The following ZNRF1 variants were observed in gnomAD, a reference collection of about 807,000 sequenced individuals.
ZNRF1 encodes E3 ubiquitin-protein ligase ZNRF1.
ZNRF1 carries 3 observed loss-of-function variants against 18.4 expected under a neutral mutation model. The observed-to-expected ratio is 0.16, with a 90% CI of 0.07 to 0.42. The LOEUF (loss-of-function observed/expected upper bound fraction) is 0.42. ZNRF1 is among the 10% of genes least tolerant of loss of function. ZNRF1 has a pLI of 0.99. For missense variants in ZNRF1, 310 were observed against 329.8 expected (o/e 0.94, Z 0.47); for synonymous variants, 157 against 144.2 (o/e 1.09, Z -0.64).
Position 75,108,359 on chromosome 16 carries a change from C to G in ZNRF1, c.*659C>G, listed in dbSNP as rs1001120953. On this transcript the variant is annotated 3_prime_UTR_variant, in exon 5 of 5. Transcript: ENST00000335325. ...GATCCCATCTCTTTTCCCTTCTTTC[C>G]TCCTGGTTCCGGTCAGTTCAGAGGA... 1.7e-4 allele frequency: 66 copies of G among 384,458 alleles called. 1 individual carries two copies. In the East Asian group the frequency reaches 2.4e-3, roughly 14 times the overall value. 23.8% of individuals were successfully genotyped at this position (384,458 alleles called of 1,614,324 possible). A position where few individuals can be genotyped will look rare whatever the true frequency, so the allele number is the denominator to read the frequency against.
chr16:75,074,347 C>A (rs911379193), intron 1 of ZNRF1, among the ~76,000 whole-genome samples: 3 of 152,192 alleles, frequency 2.0e-5, no homozygotes, highest in African/African-American at 7.2e-5. Context: ...ACAGAGCCTA[C>A]TGGGTGACCC....
intron 1 of ZNRF1, among the ~76,000 whole-genome samples, chr16:75,025,007 C>T (rs1195195721): frequency 2.6e-5 from 4 of 151,868 alleles, no homozygotes; most frequent in East Asian, 1.9e-4. Context: ...ATTTAATGTC[C>T]TCTTCATTGT....
intron 1 of ZNRF1, among the ~76,000 whole-genome samples, chr16:75,028,010 A>G (rs2035249676): frequency 6.6e-6 from 1 of 152,124 alleles, no homozygotes; most frequent in African/African-American, 2.4e-5. Flanking sequence ...GTGCTTGTAT[A>G]TCTGCCTTTT....
At chr16:75,093,312 G>T (rs1439173649) in intron 1 of ZNRF1, among the ~76,000 whole-genome samples, 2 of 151,530 alleles carry the variant, frequency 1.3e-5, no homozygotes, top group African/African-American at 4.9e-5. Flanking sequence ...TTGAACCCGG[G>T]ATGCAGAGGT....
chr16:75,092,834 AGATTCCT>A (rs2036155654), intron 1 of ZNRF1, among the ~76,000 whole-genome samples: 3 of 152,278 alleles, frequency 2.0e-5, no homozygotes, highest in Middle Eastern at 3.4e-3. Context: ...GTGAGGGATG[AGATTCCT>A]CCCAGGGTGA....
chr16:75,015,626 C>T (rs1183237644), intron 1 of ZNRF1, among the ~76,000 whole-genome samples: 4 of 152,138 alleles, frequency 2.6e-5, no homozygotes, highest in African/African-American at 4.8e-5. Context: ...CTCTGTTGCC[C>T]AGGCTGGACT....
At chr16:75,011,458 C>T (rs1300161949) in intron 1 of ZNRF1, among the ~76,000 whole-genome samples, 1 of 152,148 alleles carries the variant, frequency 6.6e-6, no homozygotes, top group Non-Finnish European at 1.5e-5. Flanking sequence ...GACATGAACT[C>T]CTGGGCTTAA....
chr16:75,030,463 AAG>A (rs1030701662), intron 1 of ZNRF1, among the ~76,000 whole-genome samples: 29 of 152,184 alleles, frequency 1.9e-4, no homozygotes. Context: ...TTTAAAGAAA[AAG>A]AGAAAAAAAC....
intron 1 of ZNRF1, among the ~76,000 whole-genome samples, chr16:75,044,640 G>A (rs2035491248): frequency 6.6e-6 from 1 of 151,998 alleles, no homozygotes; most frequent in South Asian, 2.1e-4. Context: ...GATTACAGAT[G>A]TGAGCCACCA....
At chr16:75,025,502 T>C (rs1423339234) in intron 1 of ZNRF1, among the ~76,000 whole-genome samples, 1 of 152,208 alleles carries the variant, frequency 6.6e-6, no homozygotes, top group Non-Finnish European at 1.5e-5. Context: ...TTTAGCTCTT[T>C]GTTAGGGACC....
intron 1 of ZNRF1, among the ~76,000 whole-genome samples, chr16:75,055,230 G>A (rs543226877): frequency 6.6e-6 from 1 of 152,228 alleles, no homozygotes; most frequent in East Asian, 1.9e-4. Context: ...CTGTTTCTCA[G>A]GTTTAAATAA....
At chr16:75,062,958 A>T (rs2035761010) in intron 1 of ZNRF1, among the ~76,000 whole-genome samples, 1 of 152,132 alleles carries the variant, frequency 6.6e-6, no homozygotes, top group Non-Finnish European at 1.5e-5. Context: ...CCCTTTCTTC[A>T]GGGTGGAAGA....
chr16:75,013,635 G>A (rs184830625), intron 1 of ZNRF1, among the ~76,000 whole-genome samples: 2 of 152,152 alleles, frequency 1.3e-5, no homozygotes, highest in Non-Finnish European at 2.9e-5. Flanking sequence ...GTGAGCCACC[G>A]CGCCAGGCCT....
chr16:75,080,891 G>A (rs913353446), intron 1 of ZNRF1, among the ~76,000 whole-genome samples: 1 of 150,990 alleles, frequency 6.6e-6, no homozygotes, highest in Non-Finnish European at 1.5e-5. Flanking sequence ...ATAAAAATGA[G>A]GGCCGGGTGC....
chr16:75,059,506 A>G (rs967225003), intron 1 of ZNRF1, among the ~76,000 whole-genome samples: 8 of 152,098 alleles, frequency 5.3e-5, no homozygotes, highest in African/African-American at 1.9e-4. Flanking sequence ...GAATTCAGAT[A>G]AAGCATGAGA....
intron 1 of ZNRF1, among the ~76,000 whole-genome samples, chr16:75,012,363 A>G (rs766854008): frequency 6.6e-5 from 10 of 152,200 alleles, no homozygotes; most frequent in Non-Finnish European, 1.3e-4. Flanking sequence ...AGCTTTCTGG[A>G]TTAAAGGATG....
intron 1 of ZNRF1, among the ~76,000 whole-genome samples, chr16:75,069,318 C>T (rs930975651): frequency 3.9e-5 from 6 of 152,148 alleles, no homozygotes; most frequent in African/African-American, 1.4e-4. Context: ...TTCCTGTATC[C>T]ACCATCTTTG....
At position 75,108,346 on chromosome 16, in the gene ZNRF1, T is replaced by C. The variant is rs1473609579; in HGVS notation, c.*646T>C. The C allele has an allele frequency of 5.3e-6, 2 of 378,902 alleles. No homozygotes were observed. Among genetic ancestry groups the C allele is most frequent in the East Asian group, 7.7e-5 (2 of 26,108 alleles). The allele number at this position is 378,902 out of a possible 1,614,324, so 23.5% of individuals were successfully genotyped here. A position where few individuals can be genotyped will look rare whatever the true frequency, so the allele number is the denominator to read the frequency against. Reference sequence around the variant, plus strand: ...CTTTCTTCCTACTGATCCCATCTCTTTTCCCTTCTTTCCTCCTGGTTCCGG... The same window carrying C: ...CTTTCTTCCTACTGATCCCATCTCTCTTCCCTTCTTTCCTCCTGGTTCCGG... On this transcript the variant is annotated 3_prime_UTR_variant, in exon 5 of 5. Transcript: ENST00000335325.
chr16:75,040,535 A>C (rs1031440701), intron 1 of ZNRF1, among the ~76,000 whole-genome samples: 1 of 149,626 alleles, frequency 6.7e-6, no homozygotes, highest in Non-Finnish European at 1.5e-5. Flanking sequence ...GAAATCATAC[A>C]GTATGTATTA....
Sources: gnomAD v4.1 joint callset for allele counts (sites outside exome capture counted in the v4.1 genomes callset) on GRCh38, gnomAD v4.1.1 for gene constraint, MANE v1.5 for transcripts, NCBI Gene and HGNC (gene_info 2026-07-23, HGNC 2026-07-21) for gene names.